SDCCAG8: variants seen among roughly 807,000 people sequenced by gnomAD.
The protein encoded by SDCCAG8 is SHH signaling and ciliogenesis regulator SDCCAG8, also known as serologically defined colon cancer antigen 8.
Under a neutral mutation model 101.8 loss-of-function variants are expected in SDCCAG8, and 74 were observed. That is an observed-to-expected ratio of 0.73 (90% CI 0.60 to 0.88). The LOEUF (loss-of-function observed/expected upper bound fraction) is 0.88. Ranked by LOEUF, SDCCAG8 falls within the 40% of genes least tolerant of loss-of-function variation. The pLI is 0.00. For missense variants in SDCCAG8, 787 were observed against 822.6 expected, an observed-to-expected ratio of 0.96 and a Z score of 0.53; for synonymous variants, 281 against 292.9, an observed-to-expected ratio of 0.96 and a Z score of 0.41.
chr1:243,499,830 T>G lies in SDCCAG8; in HGVS notation c.*45T>G, dbSNP rs1384170638. The stretch of plus-strand genomic sequence containing the variant: ...AATAAATGATTTACAAAGAGATATT[T>G]ACATTCATCTGGTTTAGACTTAATA... On this transcript the variant is annotated 3_prime_UTR_variant, in exon 18 of 18. Coordinates refer to ENST00000366541, the MANE Select transcript of SDCCAG8 (RefSeq NM_006642.5). 1 of 1,586,030 alleles carries G rather than the reference T, an allele frequency of 6.3e-7. No homozygotes were observed. The highest frequency in any genetic ancestry group is 2.2e-5 in the East Asian group (1 of 44,746).
At chr1:243,261,972 G>T (rs1359369736) in intron 1 of SDCCAG8, among the ~76,000 whole-genome samples, 1 of 150,746 alleles carries the variant, frequency 6.6e-6, no homozygotes, top group Non-Finnish European at 1.5e-5. Context: ...CAACACACCT[G>T]GCTAATTTTG....
At chr1:243,333,494 C>T (rs2074776431) in intron 10 of SDCCAG8, among the ~76,000 whole-genome samples, 1 of 152,198 alleles carries the variant, frequency 6.6e-6, no homozygotes, top group Non-Finnish European at 1.5e-5. Flanking sequence ...TTGGAAACCA[C>T]GTCAGTAATT....
intron 9 of SDCCAG8, among the ~76,000 whole-genome samples, chr1:243,326,580 G>T (rs1288387185): frequency 1.3e-5 from 2 of 152,110 alleles, no homozygotes; most frequent in Non-Finnish European, 2.9e-5. Context: ...GTTAGCAAGG[G>T]TTTATAAATT....
chr1:243,475,481 T>TAA lies in SDCCAG8; in HGVS notation c.1986-13532_1986-13531dup, dbSNP rs563834068. 9.9e-5 allele frequency among the ~76,000 whole-genome samples: 15 copies of TAA among 152,124 alleles called. No homozygotes were observed. The South Asian group carries it at 3.1e-3, about 32-fold the overall frequency. ...CCGGCGCCTCTTACTCAGGAAATCT[T>TAA]AATGTGGGAAGGATGTGTATGGGGC... is the stretch of plus-strand genomic sequence containing the variant. On this transcript the variant is annotated intron_variant, in intron 16 of 17. Transcript: ENST00000366541.
At chr1:243,339,653 A>G (rs1260933938) in intron 10 of SDCCAG8, among the ~76,000 whole-genome samples, 2 of 152,202 alleles carry the variant, frequency 1.3e-5, no homozygotes, top group Non-Finnish European at 2.9e-5. Context: ...ATATCTGCCT[A>G]AATTATTTTC....
At chr1:243,384,816 C>T (rs955189186) in intron 13 of SDCCAG8, among the ~76,000 whole-genome samples, 5 of 152,080 alleles carry the variant, frequency 3.3e-5, no homozygotes, top group African/African-American at 4.8e-5. Flanking sequence ...ACAAGTGCCT[C>T]GTAAGCATGT....
intron 16 of SDCCAG8, among the ~76,000 whole-genome samples, chr1:243,447,507 C>A (rs1380625962): frequency 6.6e-6 from 1 of 151,740 alleles, no homozygotes; most frequent in Non-Finnish European, 1.5e-5. Flanking sequence ...TGTGTGTGTG[C>A]CTGCGCACGC....
Position 243,264,044 on chromosome 1 carries a change from C to T in SDCCAG8, c.68-6061C>T, listed in dbSNP as rs199541960. Among the ~76,000 whole-genome samples the T allele has an allele frequency of 2.2e-4, 33 of 152,302 alleles. No individual in the cohort carries two copies. The East Asian group carries it at 5.8e-3, about 27-fold the overall frequency. On this transcript the variant is annotated intron_variant, in intron 1 of 17. Transcript: ENST00000366541. Reference sequence around the variant, plus strand: ...GGGAGCTGCAGTGCATCTCATATCTCGGCCTCGGGAGGAATGGTTCATTGC... The same window carrying T: ...GGGAGCTGCAGTGCATCTCATATCTTGGCCTCGGGAGGAATGGTTCATTGC...
intron 10 of SDCCAG8, among the ~76,000 whole-genome samples, chr1:243,335,711 T>G (rs891733135): frequency 6.6e-6 from 1 of 152,122 alleles, no homozygotes; most frequent in African/African-American, 2.4e-5. Context: ...GATGCTGAGG[T>G]TTGGTTTACA....
intron 16 of SDCCAG8, among the ~76,000 whole-genome samples, chr1:243,465,727 G>T (rs1200109642): frequency 6.6e-6 from 1 of 152,040 alleles, no homozygotes; most frequent in Non-Finnish European, 1.5e-5. Context: ...GCTTTGTCTG[G>T]GTTTTGGAAA....
At chr1:243,460,557 G>A (rs189805780) in intron 16 of SDCCAG8, among the ~76,000 whole-genome samples, 1 of 152,200 alleles carries the variant, frequency 6.6e-6, no homozygotes, top group Admixed American at 6.5e-5. Flanking sequence ...TTTAAAAATG[G>A]ATAAAGATGA....
chr1:243,265,173 A>G (rs1011904102), intron 1 of SDCCAG8, among the ~76,000 whole-genome samples: 4 of 152,220 alleles, frequency 2.6e-5, no homozygotes, highest in African/African-American at 2.4e-5. Context: ...GTTATAGTAT[A>G]TAATTATGCT....
chr1:243,273,704 G>A (rs1210844469), intron 3 of SDCCAG8, among the ~76,000 whole-genome samples: 3 of 152,156 alleles, frequency 2.0e-5, no homozygotes, highest in African/African-American at 4.8e-5. Context: ...TCTCCTTCAC[G>A]GAGCTGCTGC....
chr1:243,389,152 C>A (rs1269710493), intron 13 of SDCCAG8, among the ~76,000 whole-genome samples: 2 of 143,018 alleles, frequency 1.4e-5, no homozygotes, highest in Admixed American at 6.8e-5. Flanking sequence ...GTCCCCCCTC[C>A]CCCCCCCAAA....
At chr1:243,361,585 T>G (rs932593762) in intron 12 of SDCCAG8, among the ~76,000 whole-genome samples, 19 of 152,226 alleles carry the variant, frequency 1.2e-4, no homozygotes, top group Non-Finnish European at 2.4e-4. Context: ...CTTTCCACCC[T>G]CTTCTCATCC....
rs542840608 is a variant in SDCCAG8 at position 243,268,233 on chromosome 1, G to A, written c.68-1872G>A. The A allele has an allele frequency of 1.2e-5, 5 of 413,714 alleles. No individual in the cohort carries two copies. The East Asian group carries it at 1.5e-4, about 12-fold the overall frequency. The allele number at this position is 413,714 out of a possible 1,614,324, so 25.6% of individuals were successfully genotyped here. On this transcript the variant is annotated intron_variant, in intron 1 of 17. Coordinates refer to ENST00000366541, the MANE Select transcript of SDCCAG8 (RefSeq NM_006642.5). The stretch of plus-strand genomic sequence containing the variant: ...GTTCCTTTCTAATAGATTCAATAAA[G>A]ATAAGTGTTTTATTCGTGGATTTAA...
chr1:243,324,167 G>A (rs1558295448), intron 9 of SDCCAG8, among the ~76,000 whole-genome samples: 1 of 151,906 alleles, frequency 6.6e-6, no homozygotes, highest in Non-Finnish European at 1.5e-5. Flanking sequence ...CACTGCTGGC[G>A]TCTGAAACTC....
intron 16 of SDCCAG8, among the ~76,000 whole-genome samples, chr1:243,429,851 G>A (rs2081600164): frequency 6.6e-6 from 1 of 151,844 alleles, no homozygotes; most frequent in African/African-American, 2.4e-5. Flanking sequence ...ACAGGCGCCT[G>A]CCACCACGCC....
intron 10 of SDCCAG8, among the ~76,000 whole-genome samples, chr1:243,337,349 C>T (rs527780027): frequency 2.4e-4 from 36 of 152,168 alleles, no homozygotes; most frequent in Non-Finnish European, 3.4e-4. Context: ...GATCTCTATT[C>T]GATACAATAC....
Sources: gnomAD v4.1 joint callset for allele counts (sites outside exome capture counted in the v4.1 genomes callset) on GRCh38, gnomAD v4.1.1 for gene constraint, MANE v1.5 for transcripts, NCBI Gene and HGNC (gene_info 2026-07-23, HGNC 2026-07-21) for gene names.